Variants in CRY1 observed in about 807,000 individuals in gnomAD.
The protein encoded by CRY1 is cryptochrome-1.
In CRY1, 45 loss-of-function variants were observed where a neutral mutation model predicts 76.0. That is an observed-to-expected ratio of 0.59 (90% CI 0.47 to 0.76). CRY1 has a LOEUF of 0.76. Among genes scored for constraint, CRY1 ranks in the 30% least tolerant of loss-of-function variants. The pLI, the probability that CRY1 is intolerant of heterozygous loss-of-function variation, is 0.00. For missense variants in CRY1, 587 were observed against 716.4 expected (o/e 0.82, Z 2.06); for synonymous variants, 248 against 244.0 (o/e 1.02, Z -0.15).
chr12:107,016,088 C>A (rs1247335099), intron 2 of CRY1, among the ~76,000 whole-genome samples: 2 of 152,066 alleles, frequency 1.3e-5, no homozygotes, highest in African/African-American at 2.4e-5. Context: ...GGCAGGTAGA[C>A]CACTTAAGGT....
chr12:107,059,425 G>A (rs765233257), intron 1 of CRY1, among the ~76,000 whole-genome samples: 2 of 151,710 alleles, frequency 1.3e-5, no homozygotes, highest in East Asian at 1.9e-4. Context: ...TTTTTTTTCC[G>A]TTTTTTTAGT....
chr12:107,026,769 GTTTT>G (rs66881305), intron 1 of CRY1, among the ~76,000 whole-genome samples: 2,909 of 134,176 alleles, frequency 0.022, 71 homozygotes, highest in African/African-American at 0.069. Context: ...AATAATTCCT[GTTTT>G]TTTTTTTTTT....
chr12:107,044,066 G>C (rs1265469600), intron 1 of CRY1, among the ~76,000 whole-genome samples: 1 of 152,080 alleles, frequency 6.6e-6, no homozygotes, highest in Non-Finnish European at 1.5e-5. Context: ...TTGGTTCTAT[G>C]GACAACCGGT....
Position 107,034,078 on chromosome 12 carries a change from G to A in CRY1, c.159-11886C>T, listed in dbSNP as rs190062461. ...GTGAGACAGGAGGTCGGCAGGACTG[G>A]TATCACAAGATACAGGTCATAAAGA... On this transcript the variant is annotated intron_variant, in intron 1 of 12. Coordinates refer to ENST00000008527, the MANE Select transcript of CRY1 (RefSeq NM_004075.5). Among the ~76,000 whole-genome samples, 178 of 151,690 alleles carry A rather than the reference G, an allele frequency of 1.2e-3. 1 individual carries two copies. Among genetic ancestry groups the A allele is most frequent in the Non-Finnish European group, 1.5e-3 (99 of 67,946 alleles).
intron 1 of CRY1, among the ~76,000 whole-genome samples, chr12:107,083,074 A>C (rs1406515474): frequency 6.6e-6 from 1 of 152,224 alleles, no homozygotes; most frequent in Non-Finnish European, 1.5e-5. Flanking sequence ...CTCTATGCAA[A>C]TAAACTAAAA....
At chr12:106,998,693 A>ACACACACAC (rs1238131760) in intron 7 of CRY1, among the ~76,000 whole-genome samples, 151 of 80,554 alleles carry the variant, frequency 1.9e-3, no homozygotes, top group African/African-American at 2.4e-3. Context: ...CACACACACA[A>ACACACACAC]GCTCAGAAAT....
At chr12:107,071,026 T>C (rs1344338211) in intron 1 of CRY1, among the ~76,000 whole-genome samples, 3 of 152,022 alleles carry the variant, frequency 2.0e-5, no homozygotes, top group Non-Finnish European at 2.9e-5. Context: ...TTATTAATAG[T>C]ACCTTTTCAG....
At position 107,020,687 on chromosome 12, in the gene CRY1, G is replaced by T. The variant is rs372637494; in HGVS notation, c.267+1397C>A. On this transcript the variant is annotated intron_variant, in intron 2 of 12. Transcript: ENST00000008527. ...CTTCCCAGAAGCCACTATGCTTCCTGTACAGCCTGCAGAACTGTGAGCCAA... is the reference window on the plus strand; with the variant it reads ...CTTCCCAGAAGCCACTATGCTTCCTTTACAGCCTGCAGAACTGTGAGCCAA... 5.8e-4 allele frequency among the ~76,000 whole-genome samples: 88 copies of T among 152,096 alleles called. No individual in the cohort carries two copies. The East Asian group carries it at 0.014, about 24-fold the overall frequency.
At chr12:107,010,177 G>A (rs900408995) in intron 2 of CRY1, among the ~76,000 whole-genome samples, 33 of 151,862 alleles carry the variant, frequency 2.2e-4, no homozygotes, top group Non-Finnish European at 2.9e-4. Flanking sequence ...TAGTGTTTAC[G>A]ATATTCTTTA....
chr12:107,027,875 T>A (rs1297128786), intron 1 of CRY1, among the ~76,000 whole-genome samples: 1 of 152,106 alleles, frequency 6.6e-6, no homozygotes. Flanking sequence ...AAAAAGGCAA[T>A]GGTAAGATAC....
At chr12:107,076,140 A>T (rs1190610738) in intron 1 of CRY1, among the ~76,000 whole-genome samples, 1 of 152,140 alleles carries the variant, frequency 6.6e-6, no homozygotes, top group African/African-American at 2.4e-5. Flanking sequence ...ACTAGATGAG[A>T]TCACCTAAAG....
chr12:107,059,505 A>G (rs1482134316), intron 1 of CRY1, among the ~76,000 whole-genome samples: 1 of 151,918 alleles, frequency 6.6e-6, no homozygotes, highest in Non-Finnish European at 1.5e-5. Flanking sequence ...CTCCCACTTC[A>G]GCCTCCCAAA....
At chr12:107,064,234 A>G (rs561810948) in intron 1 of CRY1, among the ~76,000 whole-genome samples, 42 of 152,342 alleles carry the variant, frequency 2.8e-4, no homozygotes, top group African/African-American at 9.9e-4. Flanking sequence ...GACAATATCC[A>G]GAATACATAA....
At chr12:107,012,825 CT>C (rs1952459912) in intron 2 of CRY1, among the ~76,000 whole-genome samples, 1 of 152,118 alleles carries the variant, frequency 6.6e-6, no homozygotes, top group Non-Finnish European at 1.5e-5. Flanking sequence ...ATGGATGACT[CT>C]GAGGGGTTCA....
intron 1 of CRY1, among the ~76,000 whole-genome samples, chr12:107,061,050 T>A (rs1273585539): frequency 2.0e-5 from 3 of 152,198 alleles, no homozygotes; most frequent in African/African-American, 4.8e-5. Context: ...AGTCTGTGTT[T>A]ATTAAACTCC....
intron 1 of CRY1, among the ~76,000 whole-genome samples, chr12:107,086,503 G>C (rs568253496): frequency 6.6e-6 from 1 of 152,156 alleles, no homozygotes; most frequent in South Asian, 2.1e-4. Context: ...AGGCCTCCTC[G>C]GGCAAAATGG....
chr12:107,050,449 A>G (rs539681469), intron 1 of CRY1: 1 of 151,986 alleles, frequency 6.6e-6, no homozygotes, highest in African/African-American at 2.4e-5. Context: ...GTGAGTTTTC[A>G]CTCTATTAGT....
chr12:107,010,111 T>C (rs2136832301), intron 2 of CRY1, among the ~76,000 whole-genome samples: 1 of 141,544 alleles, frequency 7.1e-6, no homozygotes, highest in East Asian at 2.2e-4. Context: ...AGAGTTCTAG[T>C]AAATTATACC....
At chr12:107,025,983 C>T (rs913204072) in intron 1 of CRY1, among the ~76,000 whole-genome samples, 2 of 150,106 alleles carry the variant, frequency 1.3e-5, no homozygotes, top group Non-Finnish European at 2.9e-5. Flanking sequence ...TCATATCACA[C>T]TAACCTTAAA....
Sources: allele counts gnomAD v4.1 joint callset (sites outside exome capture counted in the v4.1 genomes callset), GRCh38; gene constraint gnomAD v4.1.1; transcripts MANE v1.5; gene names NCBI Gene and HGNC (gene_info 2026-07-23, HGNC 2026-07-21).